The following NPC1L1 variants were observed in gnomAD, a reference collection of about 807,000 sequenced individuals.
NPC1L1 encodes NPC1-like intracellular cholesterol transporter 1.
In NPC1L1, 98 loss-of-function variants were observed where a neutral mutation model predicts 117.0. The observed-to-expected ratio is 0.84, with a 90% CI of 0.71 to 0.99. NPC1L1 has a LOEUF of 0.99. Among genes scored for constraint, NPC1L1 ranks in the 50% least tolerant of loss-of-function variants. The pLI, the probability that NPC1L1 is intolerant of heterozygous loss-of-function variation, is 0.00. For missense variants in NPC1L1, 1,540 were observed against 1,710.0 expected, an observed-to-expected ratio of 0.90 and a Z score of 1.75; for synonymous variants, 729 against 727.6, an observed-to-expected ratio of 1.00 and a Z score of -0.03.
At chr7:44,517,427 A>T in intron 14 of NPC1L1, 70 bp from the exon 15 acceptor site, 1 of 1,574,234 alleles carries the variant, frequency 6.4e-7, no homozygotes, top group Non-Finnish European at 8.6e-7. Flanking sequence ...ACTTCAGAAC[A>T]CCGCAGACGC....
At position 44,539,008 on chromosome 7, in the gene NPC1L1, GC is replaced by G. The variant is rs1210489921; in HGVS notation, c.1388del (p.Arg463ProfsTer47). On this transcript the variant is annotated frameshift_variant, in exon 2 of 19. Coordinates refer to ENST00000381160, the MANE Select transcript of NPC1L1 (RefSeq NM_001101648.2). LOFTEE classifies it high-confidence loss of function. The surrounding 1 kb of genome is among the most constrained non-coding windows in gnomAD (Gnocchi z 4.4). ...HLQVWSPEAQ[R>X]NISLQDICYA... Reference sequence around the variant, plus strand: ...AGCAGATGTCCTGCAGGGAGATGTTGCGCTGTGCTTCGGGCGACCATACCTG... The same window carrying G: ...AGCAGATGTCCTGCAGGGAGATGTTGGCTGTGCTTCGGGCGACCATACCTG... 1 of 1,614,184 alleles carries G rather than the reference GC, an allele frequency of 6.2e-7. No homozygotes were observed. Among genetic ancestry groups the G allele is most frequent in the Non-Finnish European group, 8.5e-7 (1 of 1,180,040 alleles).
chr7:44,536,229 C>A lies in NPC1L1; in HGVS notation c.1854+27G>T. 6.2e-7 allele frequency: 1 copy of A among 1,612,468 alleles called. No homozygotes were observed. Among genetic ancestry groups the A allele is most frequent in the East Asian group, 2.2e-5 (1 of 44,890 alleles). ...CCCAAGACCACCTGGGTTGCACCCC[C>A]AGAGCCAGGGACCCTGCAGCCCCTA... On this transcript the variant is annotated intron_variant, in intron 4 of 18. Transcript: ENST00000381160. This position sits in a 1 kb window ranked among gnomAD's most constrained non-coding sequence, Gnocchi z 4.7.
Position 44,534,700 on chromosome 7 carries a change from G to A in NPC1L1, c.1984-71C>T. Reference sequence around the variant, plus strand: ...CAGTATGCCCACCAGCCTCAGCTAGGCCAGACAAAGTAGCCGGCAGGCACC... The same window carrying A: ...CAGTATGCCCACCAGCCTCAGCTAGACCAGACAAAGTAGCCGGCAGGCACC... On this transcript the variant is annotated intron_variant, in intron 5 of 18. Transcript: ENST00000381160. This position sits in a 1 kb window ranked among gnomAD's most constrained non-coding sequence, Gnocchi z 5.2. 3 of 1,559,224 alleles carry A rather than the reference G, an allele frequency of 1.9e-6. No individual in the cohort carries two copies. In the South Asian group the frequency reaches 3.4e-5, roughly 17 times the overall value.
Position 44,534,544 on chromosome 7 carries a change from AAGT to A in NPC1L1, c.2066_2068del (p.Tyr689del). ...GATGACCAGGGAGGAGCGGATACCC[AAGT>A]AGGAGAAGAAGCCCATGGCAGCCAT... is the stretch of plus-strand genomic sequence containing the variant. On this transcript the variant is annotated inframe_deletion, in exon 6 of 19. Transcript: ENST00000381160. The surrounding 1 kb of genome is among the most constrained non-coding windows in gnomAD (Gnocchi z 5.2). The A allele has an allele frequency of 1.2e-6, 2 of 1,614,184 alleles. No individual in the cohort carries two copies. The highest frequency in any genetic ancestry group is 1.7e-6 in the Non-Finnish European group (2 of 1,180,018).
intron 10 of NPC1L1, among the ~76,000 whole-genome samples, chr7:44,523,171 T>G (rs751376509): frequency 3.9e-5 from 6 of 152,226 alleles, no homozygotes; most frequent in African/African-American, 9.6e-5. Flanking sequence ...TTCTTGTGCC[T>G]CAGCCTCCTG....
chr7:44,532,328 C>T (rs1420412394), intron 8 of NPC1L1, 111 bp from the exon 9 acceptor site: 1 of 1,221,544 alleles, frequency 8.2e-7, no homozygotes, highest in East Asian at 2.3e-5. Context: ...TGCCAGTGCC[C>T]TCATGGAGAC....
intron 10 of NPC1L1, among the ~76,000 whole-genome samples, chr7:44,526,063 G>A (rs1276660789): frequency 2.0e-5 from 3 of 152,174 alleles, no homozygotes; most frequent in Non-Finnish European, 4.4e-5. Flanking sequence ...CTACTCAGGA[G>A]GATGAAGCAG....
At position 44,538,276 on chromosome 7, in the gene NPC1L1, C is replaced by T. The variant is rs1443542701; in HGVS notation, c.1580+541G>A. ...GGCAGCACACCAGAGTGGACAGAAC[C>T]AAAGACCGAACCCCAATCAATAGAA... On this transcript the variant is annotated intron_variant, in intron 2 of 18. Coordinates refer to ENST00000381160, the MANE Select transcript of NPC1L1 (RefSeq NM_001101648.2). This position sits in a 1 kb window ranked among gnomAD's most constrained non-coding sequence, Gnocchi z 5.9. 1.3e-5 allele frequency among the ~76,000 whole-genome samples: 2 copies of T among 152,210 alleles called. No homozygotes were observed. Among genetic ancestry groups the T allele is most frequent in the African/African-American group, 4.8e-5 (2 of 41,446 alleles).
intron 18 of NPC1L1, among the ~76,000 whole-genome samples, chr7:44,514,163 A>G (rs1801118799): frequency 6.6e-6 from 1 of 152,158 alleles, no homozygotes; most frequent in South Asian, 2.1e-4. Flanking sequence ...ACAGACACAT[A>G]TGTTGATGCA....
Position 44,517,233 on chromosome 7 carries a change from G to A in NPC1L1, c.3261C>T (p.Asp1087=), listed in dbSNP as rs778181734. 1 of 1,613,898 alleles carries A rather than the reference G, an allele frequency of 6.2e-7. No homozygotes were observed. Among genetic ancestry groups the A allele is most frequent in the Admixed American group, 1.7e-5 (1 of 59,972 alleles). The change falls in exon 15 of 19, where the codon GAC becomes GAT. Residue 1087 remains aspartate (D), a synonymous_variant. Transcript: ENST00000381160. ...TGTAGGGGAAGACCTCAAAAGCCGG[G>A]TCTGTTCCAGGCACTTTCCGCAGGT... is the stretch of plus-strand genomic sequence containing the variant. The part of the protein sequence containing the change: ...TADLRKVPGT[D]PAFEVFPYTI...
At chr7:44,518,022 A>G (rs998589273) in intron 14 of NPC1L1, among the ~76,000 whole-genome samples, 2 of 151,484 alleles carry the variant, frequency 1.3e-5, no homozygotes, top group African/African-American at 2.4e-5. Context: ...GGGCTGAGGC[A>G]GGAGAATTCT....
At chr7:44,514,438 C>T (rs1356601835) in intron 18 of NPC1L1, among the ~76,000 whole-genome samples, 1 of 152,204 alleles carries the variant, frequency 6.6e-6, no homozygotes, top group East Asian at 1.9e-4. Flanking sequence ...GAGGCCAAGG[C>T]AGATGGATCA....
chr7:44,540,576 A>T (rs1370403050), intron 1 of NPC1L1, among the ~76,000 whole-genome samples: 1 of 152,202 alleles, frequency 6.6e-6, no homozygotes, highest in Non-Finnish European at 1.5e-5. Flanking sequence ...TAGGAAAGTC[A>T]TGCTGGAGAG....
Position 44,539,863 on chromosome 7 carries a change from A to G in NPC1L1, c.534T>C (p.Pro178=). The G allele has an allele frequency of 6.2e-7, 1 of 1,614,076 alleles. No individual in the cohort carries two copies. The highest frequency in any genetic ancestry group is 2.2e-5 in the East Asian group (1 of 44,884). The change falls in exon 2 of 19, where the codon CCT becomes CCC. Residue 178 remains proline (P), a synonymous_variant. Coordinates refer to ENST00000381160, the MANE Select transcript of NPC1L1 (RefSeq NM_001101648.2). The surrounding 1 kb of genome is among the most constrained non-coding windows in gnomAD (Gnocchi z 4.4). The part of the protein sequence containing the change: ...SYDSCSRVRV[P]AAATLAVGTM... ...TGCCCACAGCCAGCGTGGCAGCTGC[A>G]GGGACGCGCACACGGCTGCAGGAGT...
chr7:44,518,985 TTCTCTTTCTC>T (rs1188350725), intron 14 of NPC1L1, among the ~76,000 whole-genome samples: 14 of 151,676 alleles, frequency 9.2e-5, no homozygotes, highest in African/African-American at 9.7e-5. Context: ...CTTTCTTTCT[TTCTCTTTCTC>T]TCTCTTTCTC....
intron 14 of NPC1L1, 57 bp from the exon 15 acceptor site, chr7:44,517,414 A>G (rs1801225974): frequency 1.3e-6 from 2 of 1,597,664 alleles, no homozygotes; most frequent in African/African-American, 2.7e-5. Context: ...CCTTTCCAGG[A>G]CAACTTCAGA....
chr7:44,514,146 G>A (rs1221231909), intron 18 of NPC1L1, among the ~76,000 whole-genome samples: 1 of 152,174 alleles, frequency 6.6e-6, no homozygotes, highest in Non-Finnish European at 1.5e-5. Context: ...GGGGTAGTAA[G>A]AGAATTACAG....
chr7:44,527,459 C>A (rs1268906420), intron 10 of NPC1L1, among the ~76,000 whole-genome samples: 4 of 67,412 alleles, frequency 5.9e-5, no homozygotes, highest in Non-Finnish European at 1.2e-4. Flanking sequence ...AAAACAACTT[C>A]TCAAAAAAAA....
intron 10 of NPC1L1, among the ~76,000 whole-genome samples, chr7:44,527,111 A>T (rs930345115): frequency 2.0e-5 from 3 of 152,210 alleles, no homozygotes; most frequent in African/African-American, 7.2e-5. Flanking sequence ...ATTCGTTATC[A>T]CTAGACCTTC....
Sources: allele counts gnomAD v4.1 joint callset (sites outside exome capture counted in the v4.1 genomes callset), GRCh38; gene constraint gnomAD v4.1.1; non-coding constraint Gnocchi (gnomAD v3.1); transcripts MANE v1.5; gene names NCBI Gene and HGNC (gene_info 2026-07-23, HGNC 2026-07-21).